Variants in TSPAN12 observed in about 807,000 individuals in gnomAD.
TSPAN12 encodes the protein tetraspanin 12, also known as tetraspanin-12.
In TSPAN12, 19 loss-of-function variants were observed where a neutral mutation model predicts 39.2. That is an observed-to-expected ratio of 0.49 (90% CI 0.34 to 0.71). TSPAN12 has a LOEUF of 0.71. Among genes scored for constraint, TSPAN12 ranks in the 30% least tolerant of loss-of-function variants. The pLI is 0.01. For missense variants in TSPAN12, 314 were observed against 359.9 expected (o/e 0.87, Z 1.03); for synonymous variants, 119 against 124.8 (o/e 0.95, Z 0.31).
chr7:120,799,497 TTTAA>T lies in TSPAN12; in HGVS notation c.612+7048_612+7051del, dbSNP rs1169935626. The stretch of plus-strand genomic sequence containing the variant: ...ATTTTTATAATTATATATAATTATT[TTTAA>T]TTAATTAATTATATATAATTAATTA... On this transcript the variant is annotated intron_variant, in intron 7 of 7. Coordinates refer to ENST00000222747, the MANE Select transcript of TSPAN12 (RefSeq NM_012338.4). Among the ~76,000 whole-genome samples the T allele has an allele frequency of 9.2e-4, 119 of 128,698 alleles. 3 individuals are homozygous for T. Among genetic ancestry groups the T allele is most frequent in the East Asian group, 5.7e-3 (27 of 4,710 alleles). The allele number at this position is 128,698 out of a possible 152,430, so 84.4% of individuals were successfully genotyped here.
chr7:120,857,432 TA>T (rs1214106078), intron 1 of TSPAN12: 17 of 150,098 alleles, frequency 1.1e-4, no homozygotes, highest in African/African-American at 4.3e-4. Context: ...GCCCGGCTAC[TA>T]GGGTTTCTCT....
chr7:120,790,124 G>A (rs1291108687), intron 7 of TSPAN12, among the ~76,000 whole-genome samples: 6 of 152,168 alleles, frequency 3.9e-5, no homozygotes, highest in Admixed American at 3.9e-4. Context: ...CTCTGCAGGA[G>A]AGAGTTCTTC....
chr7:120,840,518 C>T (rs143189781), intron 2 of TSPAN12, among the ~76,000 whole-genome samples: 29 of 152,112 alleles, frequency 1.9e-4, no homozygotes, highest in Middle Eastern at 3.4e-3. Context: ...TAATTTAAAA[C>T]GACTTCTATT....
At chr7:120,824,673 T>C (rs897617914) in intron 4 of TSPAN12, among the ~76,000 whole-genome samples, 12 of 152,222 alleles carry the variant, frequency 7.9e-5, no homozygotes, top group African/African-American at 2.4e-4. Flanking sequence ...ATAATGGGTA[T>C]TAACAAACTT....
intron 7 of TSPAN12, 43 bp downstream of exon 7, chr7:120,806,506 A>C (rs777005459): frequency 6.2e-7 from 1 of 1,604,772 alleles, no homozygotes; most frequent in South Asian, 1.1e-5. Context: ...GTTATTCCTA[A>C]GAAAACATTT....
chr7:120,799,465 C>CATAATTATTTTTATAATTATAT (rs1032085439), intron 7 of TSPAN12, among the ~76,000 whole-genome samples: 1 of 129,866 alleles, frequency 7.7e-6, no homozygotes, highest in Non-Finnish European at 1.6e-5. Flanking sequence ...AATTTAATTA[C>CATAATTATTTTTATAATTATAT]ATAATTATTT....
At chr7:120,843,702 A>C (rs1041509447) in intron 2 of TSPAN12, among the ~76,000 whole-genome samples, 5 of 152,190 alleles carry the variant, frequency 3.3e-5, no homozygotes, top group African/African-American at 1.2e-4. Context: ...CGAATATAAT[A>C]AACTGTCTTC....
At chr7:120,802,277 A>G (rs1275537753) in intron 7 of TSPAN12, among the ~76,000 whole-genome samples, 1 of 152,226 alleles carries the variant, frequency 6.6e-6, no homozygotes, top group Admixed American at 6.5e-5. Context: ...TCACGGGCCC[A>G]GACCACCCAA....
intron 5 of TSPAN12, among the ~76,000 whole-genome samples, chr7:120,815,231 G>T (rs1252884953): frequency 6.6e-6 from 1 of 152,094 alleles, no homozygotes; most frequent in Non-Finnish European, 1.5e-5. Flanking sequence ...GAAGTATTGG[G>T]ATTATTAACT....
At chr7:120,795,452 A>C (rs1356510121) in intron 7 of TSPAN12, among the ~76,000 whole-genome samples, 2 of 152,232 alleles carry the variant, frequency 1.3e-5, no homozygotes, top group Non-Finnish European at 2.9e-5. Context: ...ACTTGAGGAA[A>C]TTATACACTT....
chr7:120,824,676 A>C (rs540317756), intron 4 of TSPAN12, among the ~76,000 whole-genome samples: 1 of 152,296 alleles, frequency 6.6e-6, no homozygotes, highest in East Asian at 1.9e-4. Context: ...ATGGGTATTA[A>C]CAAACTTTCT....
chr7:120,831,113 TTAGAA>T (rs1219203076), intron 4 of TSPAN12, among the ~76,000 whole-genome samples: 1 of 152,042 alleles, frequency 6.6e-6, no homozygotes, highest in Non-Finnish European at 1.5e-5. Context: ...CTTGTAGCTC[TTAGAA>T]TGTTTACTAT....
At chr7:120,795,585 G>A (rs939889335) in intron 7 of TSPAN12, among the ~76,000 whole-genome samples, 6 of 152,282 alleles carry the variant, frequency 3.9e-5, no homozygotes, top group Admixed American at 2.0e-4. Context: ...ATGTGCTTAT[G>A]AAGATAAAGT....
intron 4 of TSPAN12, among the ~76,000 whole-genome samples, chr7:120,828,443 C>G (rs565965116): frequency 1.3e-5 from 2 of 152,264 alleles, no homozygotes; most frequent in Admixed American, 1.3e-4. Flanking sequence ...TTCTCCAAGC[C>G]CACTGTGAGC....
chr7:120,807,583 T>C (rs1207228902), intron 6 of TSPAN12, among the ~76,000 whole-genome samples: 2 of 152,242 alleles, frequency 1.3e-5, no homozygotes, highest in Non-Finnish European at 2.9e-5. Flanking sequence ...TGACTGGCTA[T>C]GCAAATTATG....
In TSPAN12 at chr7:120,800,744, G is replaced by GTTTTTT. The variant is rs148802163; in HGVS notation, c.612+5799_612+5804dup. 5.3e-4 allele frequency among the ~76,000 whole-genome samples: 63 copies of GTTTTTT among 118,724 alleles called. 13 individuals carry two copies. The highest frequency in any genetic ancestry group is 1.1e-3 in the African/African-American group (33 of 31,398). The allele number at this position is 118,724 out of a possible 152,430, so 77.9% of individuals were successfully genotyped here. On this transcript the variant is annotated intron_variant, in intron 7 of 7. Transcript: ENST00000222747. ...CTGCTGAAATAAAGTTTTCCTTATC[G>GTTTTTT]TTTTTTTTTGTTTTTTTTTTTTGAG... is the stretch of plus-strand genomic sequence containing the variant.
intron 7 of TSPAN12, among the ~76,000 whole-genome samples, chr7:120,790,481 T>G (rs1215736694): frequency 6.6e-6 from 1 of 152,198 alleles, no homozygotes; most frequent in African/African-American, 2.4e-5. Context: ...ATGTGTCAGT[T>G]CACAGATTAG....
chr7:120,791,232 G>A (rs1176399285), intron 7 of TSPAN12, among the ~76,000 whole-genome samples: 3 of 151,936 alleles, frequency 2.0e-5, no homozygotes, highest in African/African-American at 4.8e-5. Context: ...GGGAGGCTGA[G>A]ACATGAGAAT....
chr7:120,828,213 A>G (rs1794325959), intron 4 of TSPAN12, among the ~76,000 whole-genome samples: 1 of 152,190 alleles, frequency 6.6e-6, no homozygotes, highest in South Asian at 2.1e-4. Flanking sequence ...AAGAGTAACA[A>G]GACCAGGTAT....
Sources: allele counts gnomAD v4.1 joint callset (sites outside exome capture counted in the v4.1 genomes callset), GRCh38; gene constraint gnomAD v4.1.1; transcripts MANE v1.5; gene names NCBI Gene and HGNC (gene_info 2026-07-23, HGNC 2026-07-21).